The following TLE7 variants were observed in gnomAD, a reference collection of about 807,000 sequenced individuals.
The protein encoded by TLE7 is transducin-like enhancer protein 7.
chr16:71,431,467 T>C lies in TLE7; in HGVS notation c.947A>G (p.Asp316Gly). 1 of 400,806 alleles carries C rather than the reference T, an allele frequency of 2.5e-6. No individual in the cohort carries two copies. Among genetic ancestry groups the C allele is most frequent in the Non-Finnish European group, 4.4e-6 (1 of 226,254 alleles). The allele number at this position is 400,806 out of a possible 1,614,324, so 24.8% of individuals were successfully genotyped here. A position where few individuals can be genotyped will look rare whatever the true frequency, so the allele number is the denominator to read the frequency against. Residue 316 changes from aspartate to glycine, a missense_variant, in exon 7 of 10, where the codon GAC (aspartate) becomes GGC (glycine). Coordinates refer to ENST00000561754, the MANE Select transcript of TLE7 (RefSeq NM_001367365.2). The surrounding 1 kb of genome is among the most constrained non-coding windows in gnomAD (Gnocchi z 4.5). ...GTGCAGCCTCTGGTAGCTCCTCAGG[T>C]CCCAGGAATACAGGATGGTGTCTTC... is the stretch of plus-strand genomic sequence containing the variant. Reference protein sequence around the residue: ...GGEDTILYSWDLRSYQRLHQH... With the variant: ...GGEDTILYSWGLRSYQRLHQH...
chr16:71,430,546 G>A (rs545650197), intron 9 of TLE7, 122 bp downstream of exon 9: 24 of 397,616 alleles, frequency 6.0e-5, no homozygotes, highest in Non-Finnish European at 9.7e-5. Flanking sequence ...CCCCTACTCT[G>A]TAAAATGGCC....
In TLE7 at chr16:71,431,925, G is replaced by A. The variant is rs962563484; in HGVS notation, c.687C>T (p.Ala229=). 2.2e-5 allele frequency: 9 copies of A among 400,602 alleles called. No individual in the cohort carries two copies. Among genetic ancestry groups the A allele is most frequent in the South Asian group, 1.3e-4 (1 of 7,950 alleles). The allele number at this position is 400,602 out of a possible 1,614,324, so 24.8% of individuals were successfully genotyped here. Residue 229 remains alanine, a synonymous_variant, in exon 6 of 10, where the codon GCC becomes GCT. Transcript: ENST00000561754. This position sits in a 1 kb window ranked among gnomAD's most constrained non-coding sequence, Gnocchi z 4.5. ...TGGGTGCCAAGTCCCAGAGAGTCAC[G>A]GCCTGGGACGCACCCCCTGTGATCA... The part of the protein sequence containing the change: ...RSLITGGASQ[A]VTLWDLAPTP...
Position 71,436,959 on chromosome 16 carries a change from C to A in TLE7, c.-96-3539G>T, listed in dbSNP as rs185727302. On this transcript the variant is annotated intron_variant, in intron 1 of 9. Transcript: ENST00000561754. ...ATTCAGGGCTGGGCACAGTGGCTCACACCTGTAATCCCAGCACTTGGGGAG... is the reference window on the plus strand; with the variant it reads ...ATTCAGGGCTGGGCACAGTGGCTCAAACCTGTAATCCCAGCACTTGGGGAG... 2.5e-3 allele frequency among the ~76,000 whole-genome samples: 388 copies of A among 152,346 alleles called. 1 individual carries two copies. Among genetic ancestry groups the A allele is most frequent in the Admixed American group, 4.2e-3 (65 of 15,312 alleles).
chr16:71,440,682 C>G (rs1350340726), intron 1 of TLE7, among the ~76,000 whole-genome samples: 1 of 152,210 alleles, frequency 6.6e-6, no homozygotes, highest in East Asian at 1.9e-4. Flanking sequence ...CACACAGCTG[C>G]AGGTGTCCCA....
chr16:71,439,884 G>A (rs2042840527), intron 1 of TLE7, among the ~76,000 whole-genome samples: 4 of 152,060 alleles, frequency 2.6e-5, no homozygotes, highest in Admixed American at 2.6e-4. Flanking sequence ...TGGAAAACAG[G>A]GACTTAAACA....
chr16:71,438,842 T>G (rs902415739), intron 1 of TLE7, among the ~76,000 whole-genome samples: 4 of 152,104 alleles, frequency 2.6e-5, no homozygotes. Flanking sequence ...CAGCCGTGGA[T>G]AGAGGGACCC....
rs1377725677 is a variant in TLE7, at chr16:71,431,750, A to C, written c.851+11T>G. 4 of 400,634 alleles carry C rather than the reference A, an allele frequency of 1.0e-5. No homozygotes were observed. The highest frequency in any genetic ancestry group is 8.2e-5 in the African/African-American group (4 of 48,674). The allele number at this position is 400,634 out of a possible 1,614,324, so 24.8% of individuals were successfully genotyped here. On this transcript the variant is annotated intron_variant, in intron 6 of 9. Transcript: ENST00000561754. This position sits in a 1 kb window ranked among gnomAD's most constrained non-coding sequence, Gnocchi z 4.5. ...CAGGTACACCTGAGTGGCTCTGGAG[A>C]GAGGTCATACCTGATCAAGATTTGG... is the stretch of plus-strand genomic sequence containing the variant.
Position 71,433,372 on chromosome 16 carries a change from C to A in TLE7, c.-48G>T, listed in dbSNP as rs2042814822. The A allele has an allele frequency of 2.5e-6, 1 of 398,542 alleles. No homozygotes were observed. 24.7% of individuals were successfully genotyped at this position (398,542 alleles called of 1,614,324 possible). ...TGGACCACCCGGTTCTAGGACTTGA[C>A]AAATAGACCCGCCAAACAGACACCA... On this transcript the variant is annotated 5_prime_UTR_variant, in exon 2 of 10. Coordinates refer to ENST00000561754, the MANE Select transcript of TLE7 (RefSeq NM_001367365.2).
rs2042802916 is a variant in TLE7 at position 71,431,376 on chromosome 16, G to T, written c.993+45C>A. ...ACTCCCACCCCTGCCTCCATGCATG[G>T]CTCCACTACAGGTGGCATTCTGCCA... On this transcript the variant is annotated intron_variant, in intron 7 of 9. Coordinates refer to ENST00000561754, the MANE Select transcript of TLE7 (RefSeq NM_001367365.2). The surrounding 1 kb of genome is among the most constrained non-coding windows in gnomAD (Gnocchi z 4.5). 2.5e-6 allele frequency: 1 copy of T among 399,986 alleles called. No homozygotes were observed. The highest frequency in any genetic ancestry group is 2.0e-5 in the African/African-American group (1 of 48,792). The allele number at this position is 399,986 out of a possible 1,614,324, so 24.8% of individuals were successfully genotyped here.
At chr16:71,441,896 C>CG (rs2042850433) in intron 1 of TLE7, 73 bp downstream of exon 1, 2 of 152,330 alleles carry the variant, frequency 1.3e-5, no homozygotes, top group South Asian at 4.1e-4. Context: ...GCACGTGGGC[C>CG]GCGGGGCTGC....
intron 1 of TLE7, among the ~76,000 whole-genome samples, chr16:71,436,641 A>G (rs745506013): frequency 2.0e-5 from 3 of 152,240 alleles, no homozygotes; most frequent in South Asian, 4.1e-4. Context: ...GCCAAGAGTC[A>G]GAGTCTCAGC....
At chr16:71,439,574 AGGGACAAGACTGGAGGCT>A (rs2042839470) in intron 1 of TLE7, among the ~76,000 whole-genome samples, 1 of 152,006 alleles carries the variant, frequency 6.6e-6, no homozygotes. Flanking sequence ...AATGGGGGGA[AGGGACAAGACTGGAGGCT>A]GGGAACCAGC....
chr16:71,437,103 C>A (rs554756441), intron 1 of TLE7, among the ~76,000 whole-genome samples: 136 of 152,216 alleles, frequency 8.9e-4, no homozygotes, highest in Middle Eastern at 3.4e-3. Context: ...AATCCCAGCA[C>A]TTTGGGAAGC....
intron 1 of TLE7, among the ~76,000 whole-genome samples, chr16:71,434,156 A>G (rs1356068661): frequency 6.6e-6 from 1 of 152,144 alleles, no homozygotes; most frequent in African/African-American, 2.4e-5. Context: ...CTAATGATGA[A>G]GTTGGCTTGG....
At chr16:71,436,779 G>A (rs572849771) in intron 1 of TLE7, among the ~76,000 whole-genome samples, 1 of 152,328 alleles carries the variant, frequency 6.6e-6, no homozygotes, top group East Asian at 1.9e-4. Flanking sequence ...CCTGGCTCTG[G>A]GCCTCTAATC....
At chr16:71,441,695 G>A (rs2042849159) in intron 1 of TLE7, among the ~76,000 whole-genome samples, 1 of 152,244 alleles carries the variant, frequency 6.6e-6, no homozygotes, top group Non-Finnish European at 1.5e-5. Context: ...CGCGCAGGGC[G>A]CAGACTTCCG....
At position 71,431,896 on chromosome 16, in the gene TLE7, G is replaced by A. The variant is rs1389913103; in HGVS notation, c.716C>T (p.Pro239Leu). 2 of 400,632 alleles carry A rather than the reference G, an allele frequency of 5.0e-6. No individual in the cohort carries two copies. Among genetic ancestry groups the A allele is most frequent in the African/African-American group, 2.1e-5 (1 of 48,680 alleles). The allele number at this position is 400,632 out of a possible 1,614,324, so 24.8% of individuals were successfully genotyped here. Residue 239 changes from proline (P) to leucine (L), a missense_variant, in exon 6 of 10, where the codon CCC becomes CTC. By Grantham distance (98) the Pro-to-Leu change is moderately conservative. Transcript: ENST00000561754. The surrounding 1 kb of genome is among the most constrained non-coding windows in gnomAD (Gnocchi z 4.5). ...CGAGGTCAGCTGTGCCCTGACCTGG[G>A]GGGTGGGTGCCAAGTCCCAGAGAGT... is the stretch of plus-strand genomic sequence containing the variant. ...AVTLWDLAPT[P>L]QVRAQLTSTG...
chr16:71,435,365 C>T (rs563091533), intron 1 of TLE7, among the ~76,000 whole-genome samples: 3 of 152,032 alleles, frequency 2.0e-5, no homozygotes, highest in East Asian at 1.9e-4. Context: ...GAGCCGAGAT[C>T]GTGCCAATGC....
intron 8 of TLE7, among the ~76,000 whole-genome samples, 173 bp downstream of exon 8, chr16:71,430,948 A>G (rs2042799873): frequency 6.6e-6 from 1 of 152,152 alleles, no homozygotes; most frequent in Non-Finnish European, 1.5e-5. Flanking sequence ...CAGAAGGACA[A>G]TCAGATAGGG....
Sources: allele counts gnomAD v4.1 joint callset (sites outside exome capture counted in the v4.1 genomes callset), GRCh38; gene constraint gnomAD v4.1.1; non-coding constraint Gnocchi (gnomAD v3.1); transcripts MANE v1.5; gene names NCBI Gene and HGNC (gene_info 2026-07-23, HGNC 2026-07-21).